Variants in RALYL observed in about 807,000 individuals in gnomAD.
RALYL encodes RNA-binding Raly-like protein.
In RALYL, 29 loss-of-function variants were observed where a neutral mutation model predicts 35.1. The observed-to-expected ratio is 0.83, with a 90% CI of 0.61 to 1.13. The LOEUF (loss-of-function observed/expected upper bound fraction) is 1.13. Among genes scored for constraint, RALYL ranks in the 50% most tolerant of loss-of-function variants. The pLI is 0.00. For missense variants in RALYL, 359 were observed against 360.4 expected, an observed-to-expected ratio of 1.00 and a Z score of 0.03; for synonymous variants, 120 against 127.6, an observed-to-expected ratio of 0.94 and a Z score of 0.40.
chr8:84,341,778 G>A (rs1388415), intron 1 of RALYL, among the ~76,000 whole-genome samples: 54,981 of 151,388 alleles, frequency 0.36, 10,916 homozygotes, highest in East Asian at 0.51. Flanking sequence ...CAGCTGTAAA[G>A]ATAACCATTG....
chr8:84,652,401 TA>T (rs775589581), intron 2 of RALYL, among the ~76,000 whole-genome samples: 11 of 152,224 alleles, frequency 7.2e-5, no homozygotes, highest in South Asian at 2.1e-4. Flanking sequence ...GAACCCCTGA[TA>T]GTCTCTTTGA....
chr8:84,334,653 C>T (rs778358555), intron 1 of RALYL, among the ~76,000 whole-genome samples: 15 of 151,540 alleles, frequency 9.9e-5, no homozygotes, highest in Non-Finnish European at 1.8e-4. Context: ...ATTGGTTTTC[C>T]CTGTAATGTG....
chr8:84,558,340 T>A (rs748313192), intron 2 of RALYL, among the ~76,000 whole-genome samples: 3 of 152,126 alleles, frequency 2.0e-5, no homozygotes, highest in Non-Finnish European at 4.4e-5. Flanking sequence ...AATTAGGTAT[T>A]CATTTACTAT....
chr8:84,568,995 G>T lies in RALYL; in HGVS notation c.256+39418G>T, dbSNP rs549252064. Among the ~76,000 whole-genome samples, 266 of 148,834 alleles carry T rather than the reference G, an allele frequency of 1.8e-3. 2 individuals are homozygous for T. The highest frequency in any genetic ancestry group is 6.4e-3 in the African/African-American group (260 of 40,542). ...GCGAAAATTTTCTCCCATTTTGTAG[G>T]TTGCCTGTTCACTCTGATGGTAGTT... On this transcript the variant is annotated intron_variant, in intron 2 of 8. Transcript: ENST00000521268.
At chr8:84,900,024 G>C (rs1460030957) in intron 8 of RALYL, among the ~76,000 whole-genome samples, 1 of 152,112 alleles carries the variant, frequency 6.6e-6, no homozygotes, top group African/African-American at 2.4e-5. Context: ...ACAAGCTTTA[G>C]TTCTAAGGAT....
chr8:84,824,287 A>C (rs10110170), intron 4 of RALYL, among the ~76,000 whole-genome samples: 6,794 of 151,920 alleles, frequency 0.045, 484 homozygotes, highest in African/African-American at 0.16. Flanking sequence ...GTCAGTAAAC[A>C]AAGGAATACA....
chr8:84,379,058 C>A (rs992031553), intron 1 of RALYL, among the ~76,000 whole-genome samples: 2 of 151,898 alleles, frequency 1.3e-5, no homozygotes, highest in African/African-American at 4.8e-5. Context: ...TGTTCGACAG[C>A]CTGTGGATAT....
At chr8:84,782,529 TTAC>T (rs1785434557) in intron 3 of RALYL, among the ~76,000 whole-genome samples, 1 of 152,224 alleles carries the variant, frequency 6.6e-6, no homozygotes, top group South Asian at 2.1e-4. Flanking sequence ...ACTGTTGGTT[TTAC>T]TACACCTTGG....
intron 2 of RALYL, among the ~76,000 whole-genome samples, chr8:84,580,478 G>A (rs1810566694): frequency 6.6e-6 from 1 of 152,182 alleles, no homozygotes; most frequent in African/African-American, 2.4e-5. Flanking sequence ...GGGAGTGCCA[G>A]GCTATTTTAA....
chr8:84,499,021 A>T (rs779450208), intron 1 of RALYL, among the ~76,000 whole-genome samples: 1 of 152,090 alleles, frequency 6.6e-6, no homozygotes, highest in Non-Finnish European at 1.5e-5. Context: ...AAACTATAAA[A>T]TACCCACTGG....
intron 1 of RALYL, among the ~76,000 whole-genome samples, chr8:84,336,841 C>G (rs1471719669): frequency 6.6e-6 from 1 of 151,884 alleles, no homozygotes; most frequent in African/African-American, 2.4e-5. Flanking sequence ...CTATGATGCG[C>G]AATGTAGTGG....
At chr8:84,832,886 C>A (rs949821557) in intron 4 of RALYL, among the ~76,000 whole-genome samples, 1 of 152,072 alleles carries the variant, frequency 6.6e-6, no homozygotes, top group Admixed American at 6.5e-5. Flanking sequence ...TTAAAACATA[C>A]TAGAAGCTCA....
chr8:84,388,938 G>A (rs1425986531), intron 1 of RALYL, among the ~76,000 whole-genome samples: 5 of 151,974 alleles, frequency 3.3e-5, no homozygotes, highest in Admixed American at 6.6e-5. Context: ...CCTGAATGGT[G>A]TTGCCTAGGT....
At chr8:84,284,151 C>T (rs1206656108) in intron 1 of RALYL, among the ~76,000 whole-genome samples, 1 of 152,088 alleles carries the variant, frequency 6.6e-6, no homozygotes, top group Non-Finnish European at 1.5e-5. Context: ...TTATGATAAA[C>T]TCTGGACAAA....
At position 84,873,119 on chromosome 8, in the gene RALYL, G is replaced by C; in HGVS notation, c.572-165G>C. On this transcript the variant is annotated intron_variant, in intron 6 of 8. Coordinates refer to ENST00000521268, the MANE Select transcript of RALYL (RefSeq NM_173848.7). ...TATTTGTAATTGGCAAAATCATCCA[G>C]TATTCCAGGATCACTAGAAGTAATG... is the stretch of plus-strand genomic sequence containing the variant. The C allele has an allele frequency of 6.7e-6, 3 of 449,908 alleles. No homozygotes were observed. The East Asian group carries it at 1.0e-4, about 15-fold the overall frequency. The allele number at this position is 449,908 out of a possible 1,614,324, so 27.9% of individuals were successfully genotyped here.
At chr8:84,602,939 T>G (rs1269443213) in intron 2 of RALYL, among the ~76,000 whole-genome samples, 1 of 152,102 alleles carries the variant, frequency 6.6e-6, no homozygotes. Flanking sequence ...TCTGAAAAGG[T>G]AATATTTAAG....
At chr8:84,464,503 G>C (rs7833496) in intron 1 of RALYL, among the ~76,000 whole-genome samples, 1 of 150,522 alleles carries the variant, frequency 6.6e-6, no homozygotes, top group Admixed American at 6.6e-5. Flanking sequence ...GTATTCCATG[G>C]TGTATATGTG....
intron 8 of RALYL, among the ~76,000 whole-genome samples, chr8:84,917,767 T>C (rs1848713186): frequency 6.6e-6 from 1 of 151,910 alleles, no homozygotes; most frequent in African/African-American, 2.4e-5. Context: ...TCCATTACAG[T>C]TTTTTGATAT....
intron 1 of RALYL, among the ~76,000 whole-genome samples, chr8:84,367,325 T>TTGTTTTTTTTTTTTTTG (rs1485179338): frequency 2.4e-4 from 4 of 16,718 alleles, no homozygotes; most frequent in Non-Finnish European, 3.0e-4. Flanking sequence ...TGTATTTTTT[T>TTGTTTTTTTTTTTTTTG]TTTTTTTTTT....
Sources: allele counts gnomAD v4.1 joint callset (sites outside exome capture counted in the v4.1 genomes callset), GRCh38; gene constraint gnomAD v4.1.1; transcripts MANE v1.5; gene names NCBI Gene and HGNC (gene_info 2026-07-23, HGNC 2026-07-21).